Variants in QTMAN observed in about 807,000 individuals in gnomAD.
QTMAN encodes the protein queuosine-tRNA mannosyltransferase.
the QTMAN span, among the ~76,000 whole-genome samples, chr2:144,042,182 G>A: frequency 6.6e-6 from 1 of 152,134 alleles, no homozygotes; most frequent in African/African-American, 2.4e-5. Flanking sequence ...AGGCAGGCCT[G>A]CTGGGTGCAG....
chr2:144,005,193 C>A, the QTMAN span, among the ~76,000 whole-genome samples: 2 of 151,916 alleles, frequency 1.3e-5, no homozygotes, highest in Non-Finnish European at 2.9e-5. Context: ...ACTATATTAA[C>A]CTTATAGACT....
At chr2:144,073,868 T>C in the QTMAN span, among the ~76,000 whole-genome samples, 3 of 152,188 alleles carry the variant, frequency 2.0e-5, no homozygotes, top group African/African-American at 7.2e-5. Context: ...ACTCATGGAC[T>C]CCGCAAGGCA....
the QTMAN span, among the ~76,000 whole-genome samples, chr2:144,176,356 CT>C: frequency 6.6e-6 from 1 of 151,924 alleles, no homozygotes; most frequent in South Asian, 2.1e-4. Context: ...TGAAGATGAA[CT>C]TTTTTTACTC....
the QTMAN span, among the ~76,000 whole-genome samples, chr2:144,123,870 T>C: frequency 6.6e-6 from 1 of 152,082 alleles, no homozygotes; most frequent in Non-Finnish European, 1.5e-5. Flanking sequence ...GGAAATAAAA[T>C]AGGGAATAAG....
the QTMAN span, among the ~76,000 whole-genome samples, chr2:143,995,103 A>G: frequency 6.6e-6 from 1 of 152,144 alleles, no homozygotes; most frequent in African/African-American, 2.4e-5. Flanking sequence ...GCCTCAAAAA[A>G]AATTCCATCC....
At chr2:144,083,991 G>A in the QTMAN span, among the ~76,000 whole-genome samples, 1 of 152,092 alleles carries the variant, frequency 6.6e-6, no homozygotes, top group Admixed American at 6.6e-5. Context: ...TTTTACTTCT[G>A]ATAATAATAC....
At chr2:143,988,894 T>C in the QTMAN span, among the ~76,000 whole-genome samples, 5 of 152,262 alleles carry the variant, frequency 3.3e-5, no homozygotes, top group African/African-American at 9.6e-5. Context: ...CCATGGTTCT[T>C]ATGCTAAATT....
chr2:144,209,509 T>A, the QTMAN span, among the ~76,000 whole-genome samples: 1 of 152,246 alleles, frequency 6.6e-6, no homozygotes, highest in Admixed American at 6.5e-5. Flanking sequence ...TAAAGTTGTA[T>A]GTGTGTGAAC....
the QTMAN span, chr2:144,178,162 C>G: frequency 6.6e-6 from 1 of 152,110 alleles, no homozygotes; most frequent in Admixed American, 6.6e-5. Context: ...AGAAACAAAG[C>G]CATTTCCTAT....
chr2:144,286,885 A>T, the QTMAN span, among the ~76,000 whole-genome samples: 2 of 152,160 alleles, frequency 1.3e-5, no homozygotes, highest in African/African-American at 2.4e-5. Flanking sequence ...GACTTTCATT[A>T]TTTTTTTATA....
the QTMAN span, chr2:144,230,415 A>G: frequency 1.3e-5 from 2 of 152,164 alleles, no homozygotes; most frequent in Non-Finnish European, 2.9e-5. Flanking sequence ...TTACTGATAA[A>G]CTTAATAAAC....
At chr2:144,113,799 T>C in the QTMAN span, among the ~76,000 whole-genome samples, 1 of 152,230 alleles carries the variant, frequency 6.6e-6, no homozygotes, top group Non-Finnish European at 1.5e-5. Context: ...CCTTAATAAT[T>C]TCTAAAGCAC....
chr2:144,036,627 T>C, the QTMAN span, among the ~76,000 whole-genome samples: 2 of 152,216 alleles, frequency 1.3e-5, no homozygotes, highest in Admixed American at 1.3e-4. Flanking sequence ...GGTACCTACA[T>C]ATTTGGTACC....
the QTMAN span, chr2:143,946,300 T>C: frequency 6.6e-6 from 1 of 152,232 alleles, no homozygotes; most frequent in Non-Finnish European, 1.5e-5. Flanking sequence ...GTGTTTGTCA[T>C]GTTTGTCCGA....
chr2:143,987,895 A>C, the QTMAN span, among the ~76,000 whole-genome samples: 2 of 152,172 alleles, frequency 1.3e-5, no homozygotes, highest in Non-Finnish European at 2.9e-5. Context: ...AACCCCAAAA[A>C]ACACAAAAAA....
the QTMAN span, among the ~76,000 whole-genome samples, chr2:144,102,215 G>A: frequency 6.6e-6 from 1 of 152,186 alleles, no homozygotes; most frequent in African/African-American, 2.4e-5. Flanking sequence ...AGCAATTCCT[G>A]AGTACCTATC....
the QTMAN span, among the ~76,000 whole-genome samples, chr2:144,319,072 G>A: frequency 6.6e-6 from 1 of 152,078 alleles, no homozygotes. Flanking sequence ...GTTCATACCT[G>A]CTTGCCAAAT....
At chr2:144,115,139 A>C in the QTMAN span, among the ~76,000 whole-genome samples, 1 of 151,972 alleles carries the variant, frequency 6.6e-6, no homozygotes, top group South Asian at 2.1e-4. Context: ...GCTGAGGCAC[A>C]AGAATTGCTT....
At chr2:144,110,238 G>T in the QTMAN span, among the ~76,000 whole-genome samples, 1 of 152,198 alleles carries the variant, frequency 6.6e-6, no homozygotes, top group African/African-American at 2.4e-5. Flanking sequence ...CATGTCCTTT[G>T]TAGGGACATG....
Sources: allele counts gnomAD v4.1 joint callset (sites outside exome capture counted in the v4.1 genomes callset), GRCh38; gene constraint gnomAD v4.1.1; transcripts MANE v1.5; gene names NCBI Gene and HGNC (gene_info 2026-07-23, HGNC 2026-07-21).